Variants in TASP1 observed in about 807,000 individuals in gnomAD.
TASP1 encodes threonine aspartase 1.
In TASP1, 16 loss-of-function variants were observed where a neutral mutation model predicts 56.6. The ratio of observed to expected loss-of-function variants is 0.28; its 90% confidence interval spans 0.19 to 0.43. TASP1 has a LOEUF of 0.43. TASP1 is among the 20% of genes least tolerant of loss of function. The pLI, the probability that TASP1 is intolerant of heterozygous loss-of-function variation, is 1.00. For missense variants in TASP1, 393 were observed against 511.6 expected (o/e 0.77, Z 2.24); for synonymous variants, 179 against 184.2 (o/e 0.97, Z 0.23).
chr20:13,205,887 C>T, the TASP1 span, among the ~76,000 whole-genome samples: 9 of 152,212 alleles, frequency 5.9e-5, no homozygotes, highest in Non-Finnish European at 1.3e-4. Context: ...CCCTCTAGAT[C>T]TGCATAGAAC....
chr20:13,605,436 T>C (rs2048113129), intron 4 of TASP1, among the ~76,000 whole-genome samples: 1 of 152,162 alleles, frequency 6.6e-6, no homozygotes, highest in African/African-American at 2.4e-5. Flanking sequence ...AAATCACTTT[T>C]GGAGGCTGAG....
chr20:13,298,805 G>A, the TASP1 span: 2 of 783,658 alleles, frequency 2.6e-6, no homozygotes, highest in Non-Finnish European at 4.1e-6. Flanking sequence ...GACAGGAGTT[G>A]TTGACTTCAG....
intron 8 of TASP1, among the ~76,000 whole-genome samples, chr20:13,552,420 G>A (rs532421558): frequency 6.6e-6 from 1 of 152,258 alleles, no homozygotes; most frequent in Non-Finnish European, 1.5e-5. Context: ...GATAATGCTG[G>A]AAGTGAAATT....
downstream of TASP1, among the ~76,000 whole-genome samples, chr20:13,384,443 T>C (rs1412398545): frequency 6.6e-6 from 1 of 152,260 alleles, no homozygotes; most frequent in African/African-American, 2.4e-5. Flanking sequence ...GGGAAGCCCT[T>C]GCCAGTTTTA....
intron 1 of TASP1, among the ~76,000 whole-genome samples, chr20:13,634,886 G>T (rs1328740312): frequency 6.6e-6 from 1 of 151,938 alleles, no homozygotes; most frequent in African/African-American, 2.4e-5. Context: ...AAAATAGCTA[G>T]GCGTGGTGGC....
chr20:13,416,285 T>C (rs1331831247), intron 13 of TASP1, among the ~76,000 whole-genome samples: 2 of 152,196 alleles, frequency 1.3e-5, no homozygotes, highest in African/African-American at 4.8e-5. Context: ...CCATTCTATA[T>C]AAATTATGAA....
the TASP1 span, among the ~76,000 whole-genome samples, chr20:13,313,934 C>A: frequency 2.6e-5 from 4 of 152,044 alleles, no homozygotes; most frequent in East Asian, 7.7e-4. Context: ...ATAAAAAATT[C>A]TAAGAAAGAA....
intron 11 of TASP1, among the ~76,000 whole-genome samples, chr20:13,474,542 G>T (rs1306637106): frequency 6.6e-6 from 1 of 152,106 alleles, no homozygotes; most frequent in East Asian, 1.9e-4. Context: ...TAGTCAATGG[G>T]TACTAAGGTT....
chr20:13,212,843 C>T, the TASP1 span, among the ~76,000 whole-genome samples: 1 of 152,134 alleles, frequency 6.6e-6, no homozygotes, highest in East Asian at 1.9e-4. Context: ...CTTTCATCAT[C>T]CTGTTTAGAG....
chr20:13,448,947 T>C (rs2043515538), intron 11 of TASP1, among the ~76,000 whole-genome samples: 1 of 152,078 alleles, frequency 6.6e-6, no homozygotes, highest in Non-Finnish European at 1.5e-5. Flanking sequence ...TCGAGTGAGG[T>C]AAAAACACCC....
At chr20:13,564,039 TTAGAAGTACTAGAAC>T (rs1343407062) in intron 7 of TASP1, among the ~76,000 whole-genome samples, 1 of 152,012 alleles carries the variant, frequency 6.6e-6, no homozygotes, top group African/African-American at 2.4e-5. Flanking sequence ...AAACCTAATA[TTAGAAGTACTAGAAC>T]TAGAAGTCCT....
rs990400912 is a variant in TASP1, at chr20:13,453,922, T to A, written c.986-18768A>T. 1.1e-4 allele frequency among the ~76,000 whole-genome samples: 16 copies of A among 152,072 alleles called. 1 individual carries two copies. Among genetic ancestry groups the A allele is most frequent in the African/African-American group, 3.9e-4 (16 of 41,494 alleles). ...GCATGGTCTTTCAGAGCAGGTGGTA[T>A]TTCAATTCTGACTAAAAGATGAGGA... On this transcript the variant is annotated intron_variant, in intron 11 of 13. Transcript: ENST00000337743.
At chr20:13,456,843 C>T (rs2043858667) in intron 11 of TASP1, among the ~76,000 whole-genome samples, 1 of 151,952 alleles carries the variant, frequency 6.6e-6, no homozygotes, top group Admixed American at 6.6e-5. Context: ...GAACTAAATA[C>T]AAAAGCAAGT....
At chr20:13,150,389 CACATCTCTG>C in the TASP1 span, among the ~76,000 whole-genome samples, 25 of 152,138 alleles carry the variant, frequency 1.6e-4, no homozygotes, top group Non-Finnish European at 2.8e-4. Context: ...GATGTTTCTA[CACATCTCTG>C]GATTCCTTAC....
At chr20:13,321,251 C>CAAAAAAAAAAAAAAAAAAAAAA in the TASP1 span, among the ~76,000 whole-genome samples, 1 of 23,688 alleles carries the variant, frequency 4.2e-5, no homozygotes, top group Non-Finnish European at 7.1e-5. Context: ...ATGTGCCCCA[C>CAAAAAAAAAAAAAAAAAAAAAA]ATAAAAAAAA....
At chr20:13,628,012 T>G (rs1460276622) in intron 2 of TASP1, among the ~76,000 whole-genome samples, 1 of 152,206 alleles carries the variant, frequency 6.6e-6, no homozygotes, top group Non-Finnish European at 1.5e-5. Flanking sequence ...CCTGCTAAAA[T>G]TTTTCTATCT....
chr20:13,144,769 A>G, the TASP1 span, among the ~76,000 whole-genome samples: 1 of 151,428 alleles, frequency 6.6e-6, no homozygotes, highest in Non-Finnish European at 1.5e-5. Context: ...GTGTGTGTGT[A>G]TATATATATA....
chr20:13,594,675 A>G (rs2047661845), intron 4 of TASP1, among the ~76,000 whole-genome samples: 1 of 152,180 alleles, frequency 6.6e-6, no homozygotes, highest in South Asian at 2.1e-4. Flanking sequence ...AAGAATAGAG[A>G]AAAAAGAGTA....
chr20:13,310,465 A>G, the TASP1 span, among the ~76,000 whole-genome samples: 18,392 of 150,574 alleles, frequency 0.12, 1,299 homozygotes, highest in East Asian at 0.36. Flanking sequence ...CTAAAACTGT[A>G]AAACAACTGG....
Sources: gnomAD v4.1 joint callset for allele counts (sites outside exome capture counted in the v4.1 genomes callset) on GRCh38, gnomAD v4.1.1 for gene constraint, MANE v1.5 for transcripts, NCBI Gene and HGNC (gene_info 2026-07-23, HGNC 2026-07-21) for gene names.